Variants in SNX29 observed in about 807,000 individuals in gnomAD.
The protein encoded by SNX29 is sorting nexin 29.
A neutral mutation model predicts 102.1 loss-of-function variants in SNX29; 78 were observed. The observed-to-expected ratio is 0.76, with a 90% CI of 0.64 to 0.92. The LOEUF (loss-of-function observed/expected upper bound fraction) is 0.92. Ranked by LOEUF, SNX29 falls within the 40% of genes least tolerant of loss-of-function variation. The probability of loss-of-function intolerance (pLI) is 0.00; values close to 1 mark genes in which losing one functional copy is unlikely to be tolerated. For missense variants in SNX29, 1,280 were observed against 1,061.7 expected (o/e 1.21, Z -2.86); for synonymous variants, 580 against 414.5 (o/e 1.40, Z -4.85).
At chr16:11,999,963 T>C (rs554512391) in intron 2 of SNX29, among the ~76,000 whole-genome samples, 5 of 149,950 alleles carry the variant, frequency 3.3e-5, no homozygotes, top group Admixed American at 2.7e-4. Flanking sequence ...TTCCAAGCAG[T>C]TGTGTTTGAG....
At chr16:12,059,170 A>G (rs889773686) in intron 8 of SNX29, among the ~76,000 whole-genome samples, 7 of 152,032 alleles carry the variant, frequency 4.6e-5, no homozygotes, top group African/African-American at 1.2e-4. Context: ...TTGTACTTGC[A>G]TATGTTGCGG....
intron 1 of SNX29, among the ~76,000 whole-genome samples, chr16:11,993,029 G>C (rs1428550901): frequency 6.6e-6 from 1 of 152,014 alleles, no homozygotes; most frequent in Non-Finnish European, 1.5e-5. Context: ...GCCAAGCGTG[G>C]TGGTGGGCAC....
At chr16:12,264,131 C>T (rs1441621505) in intron 14 of SNX29, among the ~76,000 whole-genome samples, 1 of 152,216 alleles carries the variant, frequency 6.6e-6, no homozygotes, top group Non-Finnish European at 1.5e-5. Context: ...GAGCCCCTTG[C>T]AGAAAGTGGC....
intron 14 of SNX29, among the ~76,000 whole-genome samples, chr16:12,211,278 C>T (rs76610612): frequency 0.01 from 1,596 of 152,236 alleles, 16 homozygotes; most frequent in Non-Finnish European, 0.015. Flanking sequence ...CAGGTAATTT[C>T]GAATACATAT....
chr16:12,519,363 G>T (rs1219303212), intron 19 of SNX29, among the ~76,000 whole-genome samples: 2 of 152,152 alleles, frequency 1.3e-5, no homozygotes, highest in East Asian at 3.8e-4. Context: ...GGATAAAGAG[G>T]TGCACTGTAA....
Position 12,361,970 on chromosome 16 carries a change from C to T in SNX29, c.1899+5691C>T, listed in dbSNP as rs1172645758. Among the ~76,000 whole-genome samples the T allele has an allele frequency of 7.9e-5, 12 of 152,070 alleles. 1 individual carries two copies. The East Asian group carries it at 1.5e-3, about 20-fold the overall frequency. Reference sequence around the variant, plus strand: ...TTATTGCGCCTATACATGTTAATAACGAGCACATGCCTATACATGTTAATA... The same window carrying T: ...TTATTGCGCCTATACATGTTAATAATGAGCACATGCCTATACATGTTAATA... On this transcript the variant is annotated intron_variant, in intron 16 of 20. Coordinates refer to ENST00000566228, the MANE Select transcript of SNX29 (RefSeq NM_032167.5).
Position 12,572,334 on chromosome 16 carries a change from A to T in SNX29, c.*3705A>T. 1 of 1,063,236 alleles carries T rather than the reference A, an allele frequency of 9.4e-7. No individual in the cohort carries two copies. The highest frequency in any genetic ancestry group is 1.1e-6 in the Non-Finnish European group (1 of 877,926). The allele number at this position is 1,063,236 out of a possible 1,614,324, so 65.9% of individuals were successfully genotyped here. A position where few individuals can be genotyped will look rare whatever the true frequency, so the allele number is the denominator to read the frequency against. On this transcript the variant is annotated 3_prime_UTR_variant, in exon 21 of 21. Coordinates refer to ENST00000566228, the MANE Select transcript of SNX29 (RefSeq NM_032167.5). ...GTTGGAAACAGGAGTGAAGCCCACC[A>T]GCCTGCCTGGTTGATGGACAGCAGG...
At chr16:12,355,082 T>C (rs2082093275) in intron 15 of SNX29, among the ~76,000 whole-genome samples, 1 of 152,176 alleles carries the variant, frequency 6.6e-6, no homozygotes, top group African/African-American at 2.4e-5. Flanking sequence ...AGATGAAGAA[T>C]TTTAATTCTT....
intron 16 of SNX29, among the ~76,000 whole-genome samples, chr16:12,364,496 T>C (rs984272149): frequency 6.6e-6 from 1 of 152,012 alleles, no homozygotes; most frequent in African/African-American, 2.4e-5. Context: ...GAATGAATGC[T>C]GGAGATTTTT....
At chr16:12,392,897 G>T (rs1486242408) in intron 16 of SNX29, among the ~76,000 whole-genome samples, 1 of 152,256 alleles carries the variant, frequency 6.6e-6, no homozygotes, top group African/African-American at 2.4e-5. Context: ...AGCCCAGGCT[G>T]ACTTTATGAT....
intron 11 of SNX29, among the ~76,000 whole-genome samples, chr16:12,125,022 C>T (rs966653364): frequency 2.0e-4 from 30 of 152,146 alleles, no homozygotes; most frequent in Non-Finnish European, 3.8e-4. Flanking sequence ...ATGGGCTGCG[C>T]GGCTCAGGGG....
chr16:12,400,872 G>C (rs963216123), intron 17 of SNX29, among the ~76,000 whole-genome samples: 1 of 152,140 alleles, frequency 6.6e-6, no homozygotes, highest in Admixed American at 6.5e-5. Context: ...ACCCAGGTTG[G>C]AGTGCAGTGG....
intron 18 of SNX29, among the ~76,000 whole-genome samples, chr16:12,446,047 C>CTT (rs60889973): frequency 1.8e-4 from 18 of 98,594 alleles, no homozygotes; most frequent in Admixed American, 4.5e-4. Context: ...GCTTCTCATT[C>CTT]TTTTTTTTTT....
At chr16:12,144,246 T>G (rs1203284557) in intron 13 of SNX29, among the ~76,000 whole-genome samples, 1 of 152,252 alleles carries the variant, frequency 6.6e-6, no homozygotes, top group Non-Finnish European at 1.5e-5. Context: ...GCTAATTTTT[T>G]GTTGCTTGGC....
chr16:12,259,201 C>G (rs567769187), intron 14 of SNX29, among the ~76,000 whole-genome samples: 1 of 152,166 alleles, frequency 6.6e-6, no homozygotes, highest in African/African-American at 2.4e-5. Flanking sequence ...TTTATTATAT[C>G]GTTCCGATTT....
At chr16:12,508,016 C>T (rs2089453133) in intron 19 of SNX29, among the ~76,000 whole-genome samples, 1 of 152,206 alleles carries the variant, frequency 6.6e-6, no homozygotes, top group Non-Finnish European at 1.5e-5. Flanking sequence ...GGTTCAAATC[C>T]CAGCTCTGAC....
In SNX29 at chr16:12,441,186, C is replaced by G. The variant is rs547515537; in HGVS notation, c.2038-36533C>G. On this transcript the variant is annotated intron_variant, in intron 18 of 20. Coordinates refer to ENST00000566228, the MANE Select transcript of SNX29 (RefSeq NM_032167.5). ...CACTGCAAGCTCCGCCTCCTGGGTTCCCGCCATTCTCCTGACTCAGCCTCC... is the reference window on the plus strand; with the variant it reads ...CACTGCAAGCTCCGCCTCCTGGGTTGCCGCCATTCTCCTGACTCAGCCTCC... 1.3e-4 allele frequency among the ~76,000 whole-genome samples: 19 copies of G among 150,456 alleles called. No homozygotes were observed. In the East Asian group the frequency reaches 3.7e-3, roughly 30 times the overall value.
intron 11 of SNX29, chr16:12,088,294 G>C: frequency 5.5e-6 from 2 of 360,604 alleles, no homozygotes; most frequent in Non-Finnish European, 1.1e-5. Context: ...CGGGTGTTGG[G>C]TGGGTGTTTT....
At chr16:12,275,146 T>C (rs1158740778) in intron 14 of SNX29, among the ~76,000 whole-genome samples, 2 of 152,212 alleles carry the variant, frequency 1.3e-5, no homozygotes, top group Non-Finnish European at 2.9e-5. Flanking sequence ...ACTTTGACTT[T>C]GGGCCTCTTG....
Sources: gnomAD v4.1 joint callset for allele counts (sites outside exome capture counted in the v4.1 genomes callset) on GRCh38, gnomAD v4.1.1 for gene constraint, MANE v1.5 for transcripts, NCBI Gene and HGNC (gene_info 2026-07-23, HGNC 2026-07-21) for gene names.